COLEC11: variants seen among roughly 807,000 people sequenced by gnomAD.
COLEC11 encodes the protein collectin subfamily member 11, also known as collectin-11.
A neutral mutation model predicts 27.3 loss-of-function variants in COLEC11; 20 were observed. That is an observed-to-expected ratio of 0.73 (90% CI 0.51 to 1.06). The LOEUF (loss-of-function observed/expected upper bound fraction) is 1.06, where lower values mean the gene tolerates loss of function less well. Among genes scored for constraint, COLEC11 ranks in the 50% least tolerant of loss-of-function variants. The pLI, the probability that COLEC11 is intolerant of heterozygous loss-of-function variation, is 0.00. For synonymous variants in COLEC11, 163 were observed against 154.7 expected (o/e 1.05, Z -0.40); for missense variants, 310 against 383.0 (o/e 0.81, Z 1.59).
At chr2:3,621,659 C>T (rs1276374288) in intron 3 of COLEC11, among the ~76,000 whole-genome samples, 1 of 152,070 alleles carries the variant, frequency 6.6e-6, no homozygotes, top group Non-Finnish European at 1.5e-5. Context: ...TGATAATTTT[C>T]TGTAGTAGTA....
intron 4 of COLEC11, among the ~76,000 whole-genome samples, chr2:3,639,232 T>C (rs1486778860): frequency 6.6e-6 from 1 of 152,280 alleles, no homozygotes; most frequent in Non-Finnish European, 1.5e-5. Context: ...TCTTTCCACC[T>C]GTTGCCTTTT....
chr2:3,607,991 C>T (rs532199294), intron 2 of COLEC11, among the ~76,000 whole-genome samples: 2 of 152,290 alleles, frequency 1.3e-5, no homozygotes, highest in South Asian at 4.1e-4. Flanking sequence ...GATGTGAAGT[C>T]GCTGGCACAC....
At chr2:3,597,744 G>C (rs1026131201) in intron 1 of COLEC11, among the ~76,000 whole-genome samples, 13 of 151,840 alleles carry the variant, frequency 8.6e-5, no homozygotes, top group African/African-American at 1.9e-4. Flanking sequence ...CTTGCGTACT[G>C]AGTGGGTGGG....
intron 5 of COLEC11, among the ~76,000 whole-genome samples, chr2:3,642,201 C>T (rs938089306): frequency 1.3e-5 from 2 of 152,208 alleles, no homozygotes; most frequent in Non-Finnish European, 2.9e-5. Flanking sequence ...CACAGGGGCA[C>T]AGATACTCGA....
intron 3 of COLEC11, among the ~76,000 whole-genome samples, chr2:3,631,930 G>T (rs1665033426): frequency 6.6e-6 from 1 of 152,220 alleles, no homozygotes; most frequent in Admixed American, 6.5e-5. Flanking sequence ...GGCCCGTGGA[G>T]GGTGGCTTTG....
intron 2 of COLEC11, among the ~76,000 whole-genome samples, chr2:3,606,732 G>A (rs116760131): frequency 0.012 from 1,755 of 152,372 alleles, 39 homozygotes; most frequent in African/African-American, 0.04. Flanking sequence ...GGGGCAAGGA[G>A]CGGTTTAGAA....
At chr2:3,601,065 C>G (rs1463225142) in intron 1 of COLEC11, among the ~76,000 whole-genome samples, 1 of 152,152 alleles carries the variant, frequency 6.6e-6, no homozygotes, top group African/African-American at 2.4e-5. Context: ...ACTTCTGATT[C>G]CTCGTGGATT....
intron 3 of COLEC11, chr2:3,625,931 C>T: frequency 7.6e-7 from 1 of 1,322,174 alleles, no homozygotes; most frequent in South Asian, 1.2e-5. Flanking sequence ...CCATACCTGG[C>T]AGACTTTGCA....
chr2:3,613,393 C>T lies in COLEC11; in HGVS notation c.202+11C>T. The T allele has an allele frequency of 6.3e-7, 1 of 1,581,074 alleles. No individual in the cohort carries two copies. Among genetic ancestry groups the T allele is most frequent in the Non-Finnish European group, 8.6e-7 (1 of 1,163,002 alleles). On this transcript the variant is annotated intron_variant, in intron 3 of 6. Transcript: ENST00000349077. ...CCACGGGAGAAAAAGGTACCTGCAG[C>T]CCTGGGCCGGCCCTCAGAGCTCTGA... is the stretch of plus-strand genomic sequence containing the variant.
At chr2:3,624,128 C>T (rs931832061) in intron 3 of COLEC11, among the ~76,000 whole-genome samples, 1 of 152,154 alleles carries the variant, frequency 6.6e-6, no homozygotes, top group Non-Finnish European at 1.5e-5. Context: ...GTGCTACTAG[C>T]CTCTCATTAG....
At chr2:3,631,673 GGCTCGGAGGGGCCCCT>G (rs1439456373) in intron 3 of COLEC11, among the ~76,000 whole-genome samples, 5 of 152,160 alleles carry the variant, frequency 3.3e-5, no homozygotes, top group Non-Finnish European at 5.9e-5. Context: ...CAGGCGAGAG[GGCTCGGAGGGGCCCCT>G]GCTCGGAGGG....
chr2:3,643,634 G>T (rs1666045595), intron 6 of COLEC11, 93 bp from the exon 7 acceptor site: 5 of 1,602,998 alleles, frequency 3.1e-6, no homozygotes, highest in Admixed American at 1.7e-5. Flanking sequence ...CGCCTGCCCT[G>T]CCTGCCCTGC....
chr2:3,629,749 A>G (rs977039932), intron 3 of COLEC11, among the ~76,000 whole-genome samples: 1 of 152,180 alleles, frequency 6.6e-6, no homozygotes, highest in Non-Finnish European at 1.5e-5. Context: ...GTTTTGAGAT[A>G]ACAAAGCCAG....
rs573913746 is a variant in COLEC11, at chr2:3,595,565, C to T, written c.-27+397C>T. Among the ~76,000 whole-genome samples, 7 of 152,322 alleles carry T rather than the reference C, an allele frequency of 4.6e-5. No homozygotes were observed. The South Asian group carries it at 1.0e-3, about 23-fold the overall frequency. ...GTTCCTGAGCCTGAGCAGCGTCTGA[C>T]GGGCCAGGCGGACAGCAGCCACGAC... On this transcript the variant is annotated intron_variant, in intron 1 of 6. Coordinates refer to ENST00000349077, the MANE Select transcript of COLEC11 (RefSeq NM_024027.5).
chr2:3,607,246 C>A (rs1390724998), intron 2 of COLEC11, among the ~76,000 whole-genome samples: 1 of 152,020 alleles, frequency 6.6e-6, no homozygotes, highest in African/African-American at 2.4e-5. Context: ...AATATATTAT[C>A]TTTACATTTA....
chr2:3,628,505 G>A (rs909350270), intron 3 of COLEC11, among the ~76,000 whole-genome samples: 9 of 152,264 alleles, frequency 5.9e-5, no homozygotes, highest in Admixed American at 1.3e-4. Context: ...CTCTGCTTCC[G>A]CAAAGTGCAT....
intron 2 of COLEC11, among the ~76,000 whole-genome samples, chr2:3,611,298 G>C (rs1663171989): frequency 6.6e-6 from 1 of 152,222 alleles, no homozygotes; most frequent in Non-Finnish European, 1.5e-5. Flanking sequence ...TGGGTCACCG[G>C]GGACTCGCCT....
At chr2:3,613,219 G>A (rs1003873030) in intron 2 of COLEC11, 92 bp from the exon 3 acceptor site, 64 of 1,379,008 alleles carry the variant, frequency 4.6e-5, no homozygotes, top group Non-Finnish European at 6.3e-5. Context: ...GGGACCCGGG[G>A]AGAACGCTTC....
chr2:3,608,012 A>C (rs978562395), intron 2 of COLEC11, among the ~76,000 whole-genome samples: 3 of 152,214 alleles, frequency 2.0e-5, no homozygotes, highest in Non-Finnish European at 4.4e-5. Flanking sequence ...GAGTTTGTTC[A>C]GCTTGTAAGC....
Sources: allele counts gnomAD v4.1 joint callset (sites outside exome capture counted in the v4.1 genomes callset), GRCh38; gene constraint gnomAD v4.1.1; transcripts MANE v1.5; gene names NCBI Gene and HGNC (gene_info 2026-07-23, HGNC 2026-07-21).